AUTS2: variants seen among roughly 807,000 people sequenced by gnomAD.
AUTS2 encodes autism susceptibility gene 2 protein.
In AUTS2, 17 loss-of-function variants were observed where a neutral mutation model predicts 112.4. The observed-to-expected ratio is 0.15, with a 90% confidence interval of 0.10 to 0.23. AUTS2 has a LOEUF of 0.23. Ranked by LOEUF, AUTS2 falls within the 10% of genes least tolerant of loss-of-function variation. The probability of loss-of-function intolerance (pLI) is 1.00; values close to 1 mark genes in which losing one functional copy is unlikely to be tolerated. For synonymous variants in AUTS2, 751 were observed against 702.7 expected (o/e 1.07, Z -1.09); for missense variants, 1,510 against 1,701.6 (o/e 0.89, Z 1.98).
At chr7:70,509,714 A>G (rs1160997518) in intron 5 of AUTS2, among the ~76,000 whole-genome samples, 1 of 152,148 alleles carries the variant, frequency 6.6e-6, no homozygotes, top group East Asian at 1.9e-4. Context: ...GAGCATAGAT[A>G]AACCAGGCTG....
At chr7:70,680,878 A>C (rs926227886) in intron 5 of AUTS2, among the ~76,000 whole-genome samples, 1 of 152,242 alleles carries the variant, frequency 6.6e-6, no homozygotes, top group African/African-American at 2.4e-5. Context: ...TGTTAGTTAT[A>C]GGCGAGTGGC....
At chr7:69,787,263 A>G (rs1789419418) in intron 1 of AUTS2, among the ~76,000 whole-genome samples, 2 of 152,250 alleles carry the variant, frequency 1.3e-5, no homozygotes, top group South Asian at 2.1e-4. Context: ...TACATAACAT[A>G]GTCTATTTCA....
intron 4 of AUTS2, among the ~76,000 whole-genome samples, chr7:70,263,175 T>C (rs1344934378): frequency 5.9e-5 from 9 of 152,280 alleles, no homozygotes; most frequent in African/African-American, 1.9e-4. Context: ...AACGATTGTC[T>C]ATCAGTTAAA....
chr7:70,567,119 G>A (rs1394892178), intron 5 of AUTS2, among the ~76,000 whole-genome samples: 1 of 152,156 alleles, frequency 6.6e-6, no homozygotes, highest in Non-Finnish European at 1.5e-5. Flanking sequence ...CCTAACTGGG[G>A]GTTTAAGGTA....
chr7:69,881,375 T>TC (rs924066791), intron 1 of AUTS2, among the ~76,000 whole-genome samples: 1 of 152,120 alleles, frequency 6.6e-6, no homozygotes, highest in Non-Finnish European at 1.5e-5. Context: ...AAACCCATTT[T>TC]TTTTTTTTAA....
intron 4 of AUTS2, among the ~76,000 whole-genome samples, chr7:70,206,888 G>A (rs1810602461): frequency 6.6e-6 from 1 of 152,104 alleles, no homozygotes; most frequent in South Asian, 2.1e-4. Flanking sequence ...GGGACTTAAG[G>A]TGGATTTTTT....
chr7:70,734,730 T>G (rs74630958), intron 6 of AUTS2, among the ~76,000 whole-genome samples: 3,233 of 152,324 alleles, frequency 0.021, 102 homozygotes, highest in African/African-American at 0.073. Flanking sequence ...TAATGTCAGC[T>G]GTTGTGTGAT....
chr7:70,387,574 C>A (rs890411933), intron 4 of AUTS2, among the ~76,000 whole-genome samples: 1 of 152,196 alleles, frequency 6.6e-6, no homozygotes, highest in African/African-American at 2.4e-5. Context: ...GCTCTTTAGA[C>A]TCATTGCTCA....
At chr7:70,670,076 C>T (rs191521227) in intron 5 of AUTS2, among the ~76,000 whole-genome samples, 4 of 152,310 alleles carry the variant, frequency 2.6e-5, no homozygotes, top group East Asian at 3.9e-4. Flanking sequence ...AGGCACACCC[C>T]GTCCCTGCTA....
chr7:70,271,530 A>G (rs1787693317), intron 4 of AUTS2, among the ~76,000 whole-genome samples: 1 of 152,212 alleles, frequency 6.6e-6, no homozygotes, highest in Non-Finnish European at 1.5e-5. Flanking sequence ...CAGAATTATT[A>G]CACAGGGTTT....
At chr7:70,769,127 A>T (rs1417746318) in intron 10 of AUTS2, among the ~76,000 whole-genome samples, 1 of 152,182 alleles carries the variant, frequency 6.6e-6, no homozygotes, top group African/African-American at 2.4e-5. Context: ...ATTGAAAATT[A>T]TGTACTCTAG....
intron 1 of AUTS2, among the ~76,000 whole-genome samples, chr7:69,800,559 A>G (rs1790038053): frequency 6.6e-6 from 1 of 152,190 alleles, no homozygotes; most frequent in Non-Finnish European, 1.5e-5. Flanking sequence ...CTCCAGTTTG[A>G]TATTTTTAAG....
intron 5 of AUTS2, among the ~76,000 whole-genome samples, chr7:70,685,554 G>T (rs1055261734): frequency 6.6e-6 from 1 of 151,194 alleles, no homozygotes; most frequent in Non-Finnish European, 1.5e-5. Flanking sequence ...GAGCTGAAAT[G>T]ATAATAACAT....
At chr7:70,458,645 C>T (rs1417585181) in intron 5 of AUTS2, among the ~76,000 whole-genome samples, 2 of 152,134 alleles carry the variant, frequency 1.3e-5, no homozygotes, top group African/African-American at 4.8e-5. Context: ...AGGCATGTTC[C>T]ACCTCCCTTC....
chr7:70,575,420 C>T (rs1291298112), intron 5 of AUTS2, among the ~76,000 whole-genome samples: 1 of 152,104 alleles, frequency 6.6e-6, no homozygotes, highest in Admixed American at 6.5e-5. Flanking sequence ...CACCTCCACC[C>T]CCACCCTCAG....
At chr7:70,769,765 C>T (rs1790216781) in intron 10 of AUTS2, among the ~76,000 whole-genome samples, 1 of 152,142 alleles carries the variant, frequency 6.6e-6, no homozygotes, top group African/African-American at 2.4e-5. Context: ...ACTGCGGTGC[C>T]TTCTGATACG....
intron 1 of AUTS2, among the ~76,000 whole-genome samples, chr7:69,690,406 G>T (rs1562813399): frequency 6.6e-6 from 1 of 152,290 alleles, no homozygotes; most frequent in East Asian, 1.9e-4. Context: ...CGGCCTGCTG[G>T]GCTTGTTCCA....
chr7:70,503,516 A>ATTT (rs5884783), intron 5 of AUTS2, among the ~76,000 whole-genome samples: 7,608 of 120,096 alleles, frequency 0.063, 345 homozygotes, highest in African/African-American at 0.069. Flanking sequence ...CTCCCGTCTC[A>ATTT]TTTTTTTTTT....
intron 5 of AUTS2, among the ~76,000 whole-genome samples, chr7:70,529,240 A>C (rs956712968): frequency 6.6e-6 from 1 of 152,252 alleles, no homozygotes; most frequent in African/African-American, 2.4e-5. Context: ...ATAAAGAACC[A>C]AAATCAACGA....
Sources: gnomAD v4.1 joint callset for allele counts (sites outside exome capture counted in the v4.1 genomes callset) on GRCh38, gnomAD v4.1.1 for gene constraint, MANE v1.5 for transcripts, NCBI Gene and HGNC (gene_info 2026-07-23, HGNC 2026-07-21) for gene names.